TANC1: variants seen among roughly 807,000 people sequenced by gnomAD.
TANC1 encodes the protein protein TANC1.
In TANC1, 77 loss-of-function variants were observed where a neutral mutation model predicts 149.7. The observed-to-expected ratio is 0.51, with a 90% CI of 0.43 to 0.62. The LOEUF (loss-of-function observed/expected upper bound fraction) is 0.62, where lower values mean the gene tolerates loss of function less well. TANC1 is among the 20% of genes least tolerant of loss of function. TANC1 has a pLI of 0.00. For synonymous variants in TANC1, 854 were observed against 925.0 expected, an observed-to-expected ratio of 0.92 and a Z score of 1.39; for missense variants, 1,985 against 2,321.8, an observed-to-expected ratio of 0.85 and a Z score of 2.98.
Position 159,101,022 on chromosome 2 carries a change from T to C in TANC1, c.259+3188T>C, listed in dbSNP as rs1449438569. 4.6e-5 allele frequency among the ~76,000 whole-genome samples: 7 copies of C among 152,160 alleles called. No homozygotes were observed. In the East Asian group the frequency reaches 1.3e-3, roughly 29 times the overall value. On this transcript the variant is annotated intron_variant, in intron 4 of 26. Coordinates refer to ENST00000263635, the MANE Select transcript of TANC1 (RefSeq NM_033394.3). ...GAGGTATGGAGCCACTCCCCTCCTC[T>C]CCTTCCACGCTGGCCCCACAGTGGG...
chr2:159,053,957 T>C (rs1163762027), intron 2 of TANC1, among the ~76,000 whole-genome samples: 3 of 152,248 alleles, frequency 2.0e-5, no homozygotes, highest in African/African-American at 7.2e-5. Context: ...GACTGTACTG[T>C]AGATGTCTCT....
intron 8 of TANC1, among the ~76,000 whole-genome samples, chr2:159,163,963 C>T (rs911454683): frequency 6.6e-6 from 1 of 151,944 alleles, no homozygotes; most frequent in Non-Finnish European, 1.5e-5. Context: ...TAATTGAGGC[C>T]GATTGTACAG....
chr2:159,150,596 T>TCATCAACCAGAGCATTCAC, intron 7 of TANC1, 40 bp downstream of exon 7: 1 of 1,514,636 alleles, frequency 6.6e-7, no homozygotes, highest in Admixed American at 1.7e-5. Flanking sequence ...GGCTCGAATC[T>TCATCAACCAGAGCATTCAC]CATCAACCAG....
intron 25 of TANC1, chr2:159,228,192 C>G: frequency 1.9e-6 from 1 of 526,546 alleles, no homozygotes; most frequent in East Asian, 3.4e-5. Flanking sequence ...GGTTTCGTTT[C>G]CTTGGCCTCA....
At chr2:159,086,845 T>C (rs548469004) in intron 3 of TANC1, among the ~76,000 whole-genome samples, 9 of 152,252 alleles carry the variant, frequency 5.9e-5, no homozygotes, top group African/African-American at 2.2e-4. Context: ...TATAAAAGAT[T>C]GTGTATACTA....
chr2:159,093,836 T>C (rs1232240025), intron 3 of TANC1, among the ~76,000 whole-genome samples: 1 of 152,110 alleles, frequency 6.6e-6, no homozygotes, highest in Non-Finnish European at 1.5e-5. Flanking sequence ...TCCTCATGCT[T>C]ACAGCATGCT....
rs2060174372 is a variant in TANC1, at chr2:159,228,804, C to T, written c.4059C>T (p.Gly1353=). The change falls in exon 26 of 27, where the codon GGC becomes GGT. Residue 1353 remains glycine (G), a synonymous_variant. Transcript: ENST00000263635. ...TTTCTTGTCGACACCAGGACTTTGG[C>T]ATGGCAGAGGAATTTGCTTCCAAGG... ...SRCRRKTNDF[G]MAEEFASKAL... is the part of the protein sequence containing the mutation. 4 of 1,613,548 alleles carry T rather than the reference C, an allele frequency of 2.5e-6. No homozygotes were observed. Among genetic ancestry groups the T allele is most frequent in the Non-Finnish European group, 3.4e-6 (4 of 1,179,590 alleles).
chr2:159,050,228 G>A (rs1046576033), intron 2 of TANC1, among the ~76,000 whole-genome samples: 3 of 151,948 alleles, frequency 2.0e-5, no homozygotes, highest in Admixed American at 6.6e-5. Flanking sequence ...CCTCAGCCCC[G>A]CAAAGTACTG....
intron 16 of TANC1, among the ~76,000 whole-genome samples, chr2:159,189,054 C>G (rs982611143): frequency 1.3e-5 from 2 of 152,212 alleles, no homozygotes; most frequent in Non-Finnish European, 2.9e-5. Flanking sequence ...CCCTCTGAGC[C>G]TTGGCTTTCT....
chr2:159,195,400 A>G (rs2057770368), intron 17 of TANC1, among the ~76,000 whole-genome samples: 2 of 152,182 alleles, frequency 1.3e-5, no homozygotes, highest in Admixed American at 6.5e-5. Flanking sequence ...GATTATAGGT[A>G]TGAGCCACCA....
In TANC1 at chr2:159,231,268, T is replaced by C. The variant is rs1033965774; in HGVS notation, c.*256T>C. 2 of 345,706 alleles carry C rather than the reference T, an allele frequency of 5.8e-6. No individual in the cohort carries two copies. Among genetic ancestry groups the C allele is most frequent in the African/African-American group, 4.2e-5 (2 of 47,614 alleles). The allele number at this position is 345,706 out of a possible 1,614,324, so 21.4% of individuals were successfully genotyped here. A position where few individuals can be genotyped will look rare whatever the true frequency, so the allele number is the denominator to read the frequency against. On this transcript the variant is annotated 3_prime_UTR_variant, in exon 27 of 27. Coordinates refer to ENST00000263635, the MANE Select transcript of TANC1 (RefSeq NM_033394.3). ...AGACAGCCCAGAAGACATTAATGAC[T>C]CTCACTTATGAAATTGTTTGGCTTT...
chr2:159,160,517 G>A (rs951179852), intron 7 of TANC1, among the ~76,000 whole-genome samples: 15 of 152,178 alleles, frequency 9.9e-5, no homozygotes, highest in African/African-American at 3.6e-4. Flanking sequence ...GGGACTCCGG[G>A]GCTGCCATGT....
At chr2:159,081,569 T>C (rs2149792881) in intron 3 of TANC1, among the ~76,000 whole-genome samples, 1 of 152,246 alleles carries the variant, frequency 6.6e-6, no homozygotes, top group South Asian at 2.1e-4. Flanking sequence ...GGAAAAAGTT[T>C]AAAAAAGAAA....
chr2:159,016,131 T>C (rs149192227), intron 2 of TANC1, among the ~76,000 whole-genome samples: 9 of 152,208 alleles, frequency 5.9e-5, no homozygotes, highest in African/African-American at 1.9e-4. Context: ...AGAGATTTAA[T>C]TGGACTTTTC....
chr2:159,217,479 C>T lies in TANC1; in HGVS notation c.3245-18C>T. ...CACCACATGCTAACAGATTCCCCTC[C>T]ATGTGACTTTCCTTTAGCCCTGACT... On this transcript the variant is annotated intron_variant, in intron 19 of 26. Transcript: ENST00000263635. 1 of 1,613,996 alleles carries T rather than the reference C, an allele frequency of 6.2e-7. No individual in the cohort carries two copies. Among genetic ancestry groups the T allele is most frequent in the Non-Finnish European group, 8.5e-7 (1 of 1,179,942 alleles).
intron 19 of TANC1, among the ~76,000 whole-genome samples, chr2:159,216,078 C>A (rs1158228602): frequency 6.6e-6 from 1 of 152,162 alleles, no homozygotes; most frequent in Non-Finnish European, 1.5e-5. Flanking sequence ...AGCCTGTTTT[C>A]CAGAGCAGCC....
At chr2:159,177,768 T>C (rs1446227423) in intron 13 of TANC1, among the ~76,000 whole-genome samples, 1 of 152,216 alleles carries the variant, frequency 6.6e-6, no homozygotes, top group African/African-American at 2.4e-5. Flanking sequence ...AAGGCAAAAC[T>C]CTTCTTTGCT....
At chr2:159,187,063 C>G in intron 16 of TANC1, 39 bp downstream of exon 16, 3 of 1,608,454 alleles carry the variant, frequency 1.9e-6, no homozygotes, top group Non-Finnish European at 1.7e-6. Flanking sequence ...AGACCCAGCC[C>G]TGGCCGGCTG....
intron 5 of TANC1, 93 bp from the exon 6 acceptor site, chr2:159,149,049 C>A: frequency 7.1e-7 from 1 of 1,408,952 alleles, no homozygotes; most frequent in Non-Finnish European, 9.6e-7. Flanking sequence ...CACACAAAAT[C>A]ACCAGACAAA....
Sources: allele counts gnomAD v4.1 joint callset (sites outside exome capture counted in the v4.1 genomes callset), GRCh38; gene constraint gnomAD v4.1.1; transcripts MANE v1.5; gene names NCBI Gene and HGNC (gene_info 2026-07-23, HGNC 2026-07-21).